The following USH2A variants were observed in gnomAD, a reference collection of about 807,000 sequenced individuals.
USH2A encodes usherin.
A neutral mutation model predicts 538.9 loss-of-function variants in USH2A; 443 were observed. That is an observed-to-expected ratio of 0.82 (90% CI 0.76 to 0.89). The LOEUF (loss-of-function observed/expected upper bound fraction) is 0.89. USH2A is among the 40% of genes least tolerant of loss of function. USH2A has a pLI of 0.00. For missense variants in USH2A, 6,633 were observed against 6,324.8 expected, an observed-to-expected ratio of 1.05 and a Z score of -1.65; for synonymous variants, 2,413 against 2,273.5, an observed-to-expected ratio of 1.06 and a Z score of -1.75.
chr1:215,674,469 C>T lies in USH2A; in HGVS notation c.13442G>A (p.Arg4481Lys), dbSNP rs1220436701. The T allele has an allele frequency of 5.0e-6, 8 of 1,614,162 alleles. No homozygotes were observed. Among genetic ancestry groups the T allele is most frequent in the Non-Finnish European group, 6.8e-6 (8 of 1,180,030 alleles). The change falls in exon 63 of 72, where the codon AGG (arginine) becomes AAG (lysine). Residue 4481 changes from arginine to lysine, a missense_variant. Transcript: ENST00000307340. ...GCCTGTATATACAATGGTTCCATCC[C>T]TCCTAAGTTCATAACTTCTGATCTG... is the stretch of plus-strand genomic sequence containing the variant. ...NGQIRSYELRRDGTIVYTGLE... is the reference protein window; with the variant it reads ...NGQIRSYELRKDGTIVYTGLE...
intron 50 of USH2A, among the ~76,000 whole-genome samples, chr1:215,794,490 T>C (rs1332871601): frequency 6.6e-6 from 1 of 152,094 alleles, no homozygotes; most frequent in East Asian, 1.9e-4. Flanking sequence ...AAGGGCCATA[T>C]GGATATTCTG....
At chr1:216,121,322 T>C (rs1170959218) in intron 21 of USH2A, among the ~76,000 whole-genome samples, 6 of 152,148 alleles carry the variant, frequency 3.9e-5, no homozygotes, top group Non-Finnish European at 8.8e-5. Flanking sequence ...AATGAATAAA[T>C]ATAAAAGTAA....
chr1:215,974,655 C>T lies in USH2A; in HGVS notation c.6806-3879G>A, dbSNP rs562223069. ...GCCTCCAGCTTCATAGATGTTGCTGCAAAAGACATGATTTCAGGGTTTTTT... is the reference window on the plus strand; with the variant it reads ...GCCTCCAGCTTCATAGATGTTGCTGTAAAAGACATGATTTCAGGGTTTTTT... On this transcript the variant is annotated intron_variant, in intron 35 of 71. Transcript: ENST00000307340. Among the ~76,000 whole-genome samples the T allele has an allele frequency of 4.6e-5, 7 of 152,232 alleles. No homozygotes were observed. The East Asian group carries it at 1.2e-3, about 25-fold the overall frequency.
At position 216,296,611 on chromosome 1, in the gene USH2A, G is replaced by A. The variant is rs968892256; in HGVS notation, c.1645-4241C>T. ...CTTGAGGGAATTTAGAGAGGAGACAGAATGAGAACAATTCACAAACAAGGT... is the reference window on the plus strand; with the variant it reads ...CTTGAGGGAATTTAGAGAGGAGACAAAATGAGAACAATTCACAAACAAGGT... On this transcript the variant is annotated intron_variant, in intron 9 of 71. Transcript: ENST00000307340. 1.3e-5 allele frequency among the ~76,000 whole-genome samples: 2 copies of A among 152,186 alleles called. 1 individual carries two copies. Among genetic ancestry groups the A allele is most frequent in the South Asian group, 4.1e-4 (2 of 4,828 alleles).
In USH2A at chr1:215,782,126, A is replaced by G. The variant is rs727503719; in HGVS notation, c.10656T>C (p.Ser3552=). 2 of 1,614,010 alleles carry G rather than the reference A, an allele frequency of 1.2e-6. No individual in the cohort carries two copies. Among genetic ancestry groups the G allele is most frequent in the African/African-American group, 1.3e-5 (1 of 75,030 alleles). ...GAAATGGTTGAATTCCCTCTTTATC[A>G]GAGAAGCTCAGTGATGTTCCCCGAA... is the stretch of plus-strand genomic sequence containing the variant. The part of the protein sequence containing the change: ...ERFRGTSLSF[S]DKEGIQPFQE... Residue 3552 remains serine, a synonymous_variant, in exon 54 of 72, where the codon TCT becomes TCC. Transcript: ENST00000307340.
Position 216,325,316 on chromosome 1 carries a change from C to A in USH2A, c.1132G>T (p.Gly378Ter). The A allele has an allele frequency of 1.2e-6, 2 of 1,613,654 alleles. No individual in the cohort carries two copies. The highest frequency in any genetic ancestry group is 1.7e-6 in the Non-Finnish European group (2 of 1,179,820). ...GVTISVDLEN[G>*]QYQVFYIIIQ... is the part of the protein sequence containing the mutation. ...TCGTTTCTCATTACCTGATACTGTC[C>A]ATTTTCCAAATCAACTGAAATAGTC... The change falls in exon 6 of 72, where the codon GGA becomes TGA. Residue 378 changes from glycine to a stop codon, truncating the protein, a stop_gained. Transcript: ENST00000307340. LOFTEE classifies it high-confidence loss of function.
intron 37 of USH2A, among the ~76,000 whole-genome samples, chr1:215,954,368 G>T (rs566043129): frequency 1.3e-5 from 2 of 152,106 alleles, no homozygotes; most frequent in South Asian, 2.1e-4. Flanking sequence ...AATACACCAT[G>T]GAATACTATG....
intron 8 of USH2A, among the ~76,000 whole-genome samples, chr1:216,323,084 C>A (rs74698732): frequency 0.039 from 5,986 of 151,980 alleles, 175 homozygotes; most frequent in Middle Eastern, 0.11. Context: ...GCTATAGTTA[C>A]AACTCCAAAT....
At chr1:215,728,856 T>C (rs1212035141) in intron 60 of USH2A, among the ~76,000 whole-genome samples, 1 of 152,184 alleles carries the variant, frequency 6.6e-6, no homozygotes, top group Admixed American at 6.5e-5. Context: ...TCTGTGTGTA[T>C]GTGTCTGTGT....
At chr1:215,925,863 C>T (rs1666225131) in intron 38 of USH2A, among the ~76,000 whole-genome samples, 1 of 152,078 alleles carries the variant, frequency 6.6e-6, no homozygotes, top group Non-Finnish European at 1.5e-5. Flanking sequence ...TATATCTGTA[C>T]TCGGCAAGCA....
chr1:216,317,453 A>G (rs1453629568), intron 9 of USH2A, among the ~76,000 whole-genome samples: 1 of 152,044 alleles, frequency 6.6e-6, no homozygotes, highest in Non-Finnish European at 1.5e-5. Context: ...TTCTGGACTT[A>G]ATACCTAGGT....
chr1:216,337,226 C>G (rs553080077), intron 4 of USH2A, among the ~76,000 whole-genome samples: 132 of 151,468 alleles, frequency 8.7e-4, no homozygotes, highest in African/African-American at 3.0e-3. Flanking sequence ...AGGCCCTGTT[C>G]TGTGTGCTTT....
intron 32 of USH2A, among the ~76,000 whole-genome samples, chr1:216,026,429 C>G (rs951160074): frequency 2.6e-5 from 4 of 152,066 alleles, no homozygotes; most frequent in Non-Finnish European, 4.4e-5. Flanking sequence ...TGTGGCCAAA[C>G]AATACAGAGA....
chr1:216,382,028 C>G (rs1458457325), intron 3 of USH2A, among the ~76,000 whole-genome samples: 1 of 152,208 alleles, frequency 6.6e-6, no homozygotes, highest in East Asian at 1.9e-4. Context: ...AGCTTCTAAA[C>G]AAACTGTCCT....
intron 45 of USH2A, among the ~76,000 whole-genome samples, chr1:215,845,481 T>C (rs1663813824): frequency 6.6e-6 from 1 of 152,134 alleles, no homozygotes; most frequent in African/African-American, 2.4e-5. Flanking sequence ...TGTTTGGCTG[T>C]CGTTTTGAAA....
intron 21 of USH2A, among the ~76,000 whole-genome samples, chr1:216,108,354 G>C (rs2032787074): frequency 6.6e-6 from 1 of 151,010 alleles, no homozygotes; most frequent in Non-Finnish European, 1.5e-5. Flanking sequence ...CTTCTATGTA[G>C]TGCCTTTTTC....
At chr1:216,041,590 G>C (rs2030277031) in intron 32 of USH2A, among the ~76,000 whole-genome samples, 1 of 151,958 alleles carries the variant, frequency 6.6e-6, no homozygotes, top group South Asian at 2.1e-4. Context: ...TATTTAGGAG[G>C]GGACATTAAA....
At chr1:216,032,339 A>G (rs1414740746) in intron 32 of USH2A, among the ~76,000 whole-genome samples, 1 of 152,144 alleles carries the variant, frequency 6.6e-6, no homozygotes, top group Non-Finnish European at 1.5e-5. Flanking sequence ...ATCTTTTTAT[A>G]TGCACTATCA....
intron 21 of USH2A, among the ~76,000 whole-genome samples, chr1:216,172,972 C>T (rs778702256): frequency 1.3e-5 from 2 of 152,122 alleles, no homozygotes; most frequent in African/African-American, 2.4e-5. Flanking sequence ...ACGTTTCCAC[C>T]CTGAAATTCA....
Sources: gnomAD v4.1 joint callset for allele counts (sites outside exome capture counted in the v4.1 genomes callset) on GRCh38, gnomAD v4.1.1 for gene constraint, MANE v1.5 for transcripts, NCBI Gene and HGNC (gene_info 2026-07-23, HGNC 2026-07-21) for gene names.